MYO18B: variants seen among roughly 807,000 people sequenced by gnomAD.
MYO18B encodes unconventional myosin-XVIIIb.
A neutral mutation model predicts 273.0 loss-of-function variants in MYO18B; 204 were observed. The observed-to-expected ratio is 0.75, with a 90% CI of 0.67 to 0.84. The LOEUF is 0.84. Ranked by LOEUF, MYO18B falls within the 40% of genes least tolerant of loss-of-function variation. The pLI, the probability that MYO18B is intolerant of heterozygous loss-of-function variation, is 0.00. For missense variants in MYO18B, 3,212 were observed against 3,287.6 expected (o/e 0.98, Z 0.56); for synonymous variants, 1,330 against 1,305.7 (o/e 1.02, Z -0.40).
At chr22:26,043,931 G>T in the MYO18B span, among the ~76,000 whole-genome samples, 1 of 152,216 alleles carries the variant, frequency 6.6e-6, no homozygotes, top group South Asian at 2.1e-4. Context: ...TGGCTTTACT[G>T]TGCCCTTTTC....
intron 42 of MYO18B, among the ~76,000 whole-genome samples, chr22:26,024,434 C>T (rs532068117): frequency 2.0e-5 from 3 of 152,218 alleles, no homozygotes; most frequent in African/African-American, 4.8e-5. Context: ...AGGAGACCAG[C>T]GTCCTGGAGC....
intron 2 of MYO18B, 73 bp from the exon 3 acceptor site, chr22:25,763,158 C>T: frequency 6.5e-7 from 1 of 1,547,916 alleles, no homozygotes; most frequent in South Asian, 1.1e-5. Context: ...GGCTCCATCA[C>T]AAACTTTGAA....
At chr22:25,974,996 T>A (rs2093073296) in intron 39 of MYO18B, among the ~76,000 whole-genome samples, 1 of 152,096 alleles carries the variant, frequency 6.6e-6, no homozygotes, top group Non-Finnish European at 1.5e-5. Context: ...TGGGGGAGAC[T>A]GTTGGAATCA....
chr22:26,019,433 T>C (rs947664413), intron 42 of MYO18B, among the ~76,000 whole-genome samples: 4 of 152,186 alleles, frequency 2.6e-5, no homozygotes, highest in African/African-American at 7.2e-5. Context: ...TAGAGGACTG[T>C]TGTGAGCGTA....
rs912600501 is a variant in MYO18B, at chr22:25,952,407, A to G, written c.5954A>G (p.Gln1985Arg). The G allele has an allele frequency of 2.5e-6, 4 of 1,613,100 alleles. No individual in the cohort carries two copies. The African/African-American group carries it at 4.0e-5, about 16-fold the overall frequency. ...AACAAGACAGAGTTCCAGAAGGTGC[A>G]GATTAAGAGATTTGAGGTACGTAGT... ...LENKTEFQKV[Q>R]IKRFEVLVIR... is the part of the protein sequence containing the mutation. Residue 1985 changes from glutamine (Q) to arginine (R), a missense_variant, in exon 38 of 44, where the codon CAG becomes CGG. Gln to Arg is a conservative substitution (Grantham distance 43). Transcript: ENST00000335473.
chr22:26,006,521 GA>G, intron 42 of MYO18B: 1 of 276,100 alleles, frequency 3.6e-6, no homozygotes, highest in Non-Finnish European at 7.5e-6. Context: ...TAATCTATAG[GA>G]AAACGTATAC....
chr22:25,984,371 T>G (rs1425620337), intron 39 of MYO18B, among the ~76,000 whole-genome samples: 1 of 150,952 alleles, frequency 6.6e-6, no homozygotes, highest in Non-Finnish European at 1.5e-5. Flanking sequence ...TAGCTTCAGC[T>G]TCACTCGGAT....
intron 21 of MYO18B, among the ~76,000 whole-genome samples, chr22:25,859,620 A>G (rs1443776893): frequency 6.6e-6 from 1 of 151,640 alleles, no homozygotes; most frequent in African/African-American, 2.4e-5. Context: ...CATTTTCCCT[A>G]ATGATGTTGA....
intron 21 of MYO18B, among the ~76,000 whole-genome samples, chr22:25,859,998 G>T (rs2090684338): frequency 1.3e-5 from 2 of 152,096 alleles, no homozygotes; most frequent in Non-Finnish European, 2.9e-5. Flanking sequence ...TCTATTGTGT[G>T]TTAATTTTGT....
chr22:25,758,516 A>G (rs1189342289), intron 1 of MYO18B, among the ~76,000 whole-genome samples: 2 of 151,896 alleles, frequency 1.3e-5, no homozygotes, highest in South Asian at 2.1e-4. Context: ...CAGGAATGCA[A>G]TTGAGCAACA....
intron 21 of MYO18B, among the ~76,000 whole-genome samples, chr22:25,863,747 T>C (rs889299143): frequency 6.6e-6 from 1 of 152,196 alleles, no homozygotes; most frequent in Non-Finnish European, 1.5e-5. Context: ...AACCTCTACG[T>C]TCTGTTTGGC....
At chr22:25,845,919 G>T (rs1569102380) in intron 18 of MYO18B, among the ~76,000 whole-genome samples, 181 bp from the exon 19 acceptor site, 1 of 152,256 alleles carries the variant, frequency 6.6e-6, no homozygotes. Context: ...ATGAAGCAAA[G>T]CCTCACCTGG....
At chr22:25,774,661 G>A (rs903932012) in intron 7 of MYO18B, among the ~76,000 whole-genome samples, 33 of 152,318 alleles carry the variant, frequency 2.2e-4, no homozygotes, top group African/African-American at 7.0e-4. Context: ...TCCTTAGGCC[G>A]GATCAACCTC....
chr22:25,892,802 G>T (rs964054615), intron 27 of MYO18B, among the ~76,000 whole-genome samples: 4 of 152,196 alleles, frequency 2.6e-5, no homozygotes, highest in African/African-American at 9.7e-5. Flanking sequence ...AGAGAGAGGG[G>T]AACATGTTGG....
intron 34 of MYO18B, among the ~76,000 whole-genome samples, chr22:25,943,115 C>T (rs1219939368): frequency 2.0e-5 from 3 of 152,112 alleles, no homozygotes; most frequent in East Asian, 3.9e-4. Flanking sequence ...TACAATGACT[C>T]TCTCTTGCCT....
intron 12 of MYO18B, among the ~76,000 whole-genome samples, chr22:25,805,428 G>A (rs776196578): frequency 6.6e-6 from 1 of 152,174 alleles, no homozygotes; most frequent in African/African-American, 2.4e-5. Flanking sequence ...AGATCGCTGT[G>A]GATTTATTCT....
intron 25 of MYO18B, among the ~76,000 whole-genome samples, chr22:25,887,704 G>A (rs1406524317): frequency 6.6e-6 from 1 of 152,174 alleles, no homozygotes; most frequent in African/African-American, 2.4e-5. Context: ...GCCCCATGGT[G>A]TGGGAAGGGA....
intron 38 of MYO18B, among the ~76,000 whole-genome samples, chr22:25,952,956 G>A (rs1370399695): frequency 6.6e-6 from 1 of 152,204 alleles, no homozygotes; most frequent in Non-Finnish European, 1.5e-5. Context: ...AAGCAATGTG[G>A]GTAAGATATG....
At chr22:25,939,211 C>T (rs1321332506) in intron 34 of MYO18B, among the ~76,000 whole-genome samples, 1 of 152,180 alleles carries the variant, frequency 6.6e-6, no homozygotes, top group Non-Finnish European at 1.5e-5. Flanking sequence ...TGGGTGGTAA[C>T]CCAGTTCAAA....
Sources: allele counts gnomAD v4.1 joint callset (sites outside exome capture counted in the v4.1 genomes callset), GRCh38; gene constraint gnomAD v4.1.1; transcripts MANE v1.5; gene names NCBI Gene and HGNC (gene_info 2026-07-23, HGNC 2026-07-21).